HAO1: variants seen among roughly 807,000 people sequenced by gnomAD.
The protein encoded by HAO1 is 2-Hydroxyacid oxidase 1.
Under a neutral mutation model 39.7 loss-of-function variants are expected in HAO1, and 34 were observed. That is an observed-to-expected ratio of 0.86 (90% CI 0.65 to 1.14). The LOEUF is 1.14. Among genes scored for constraint, HAO1 ranks in the 50% most tolerant of loss-of-function variants. The pLI is 0.00. For synonymous variants in HAO1, 172 were observed against 173.2 expected (o/e 0.99, Z 0.05); for missense variants, 479 against 464.5 (o/e 1.03, Z -0.29).
At chr20:7,936,552 G>GTGTGTGTGTGTT (rs1488706496) in intron 1 of HAO1, among the ~76,000 whole-genome samples, 10 of 148,192 alleles carry the variant, frequency 6.7e-5, no homozygotes, top group African/African-American at 2.0e-4. Context: ...GTGTGTTCGC[G>GTGTGTGTGTGTT]CGCGCGCGCG....
At chr20:7,885,447 C>A in intron 7 of HAO1, 74 bp downstream of exon 7, 2 of 942,554 alleles carry the variant, frequency 2.1e-6, no homozygotes, top group Non-Finnish European at 3.5e-6. Flanking sequence ...CTTTCAAATT[C>A]ACTTCTCTCC....
chr20:7,934,807 G>C (rs1345789829), intron 1 of HAO1, among the ~76,000 whole-genome samples, 172 bp from the exon 2 acceptor site: 1 of 152,114 alleles, frequency 6.6e-6, no homozygotes, highest in Non-Finnish European at 1.5e-5. Context: ...TGTTTGGTTA[G>C]AAAGTTAACA....
chr20:7,909,360 C>CATATATATATAT lies in HAO1; in HGVS notation c.546-3043_546-3032dup, dbSNP rs749171756. 7.2e-4 allele frequency among the ~76,000 whole-genome samples: 79 copies of CATATATATATAT among 109,046 alleles called. 1 individual carries two copies. The highest frequency in any genetic ancestry group is 3.7e-3 in the South Asian group (10 of 2,686). The allele number at this position is 109,046 out of a possible 152,430, so 71.5% of individuals were successfully genotyped here. On this transcript the variant is annotated intron_variant, in intron 3 of 7. Transcript: ENST00000378789. Reference sequence around the variant, plus strand: ...AATGCTATTTTTATTCGGATTATGACATATATATATATATATATGTATATA... The same window carrying CATATATATATAT: ...AATGCTATTTTTATTCGGATTATGACATATATATATATATATATATATATATATATGTATATA...
chr20:7,894,670 C>T lies in HAO1; in HGVS notation c.813+463G>A, dbSNP rs905881124. 8.5e-5 allele frequency among the ~76,000 whole-genome samples: 13 copies of T among 152,230 alleles called. No individual in the cohort carries two copies. The South Asian group carries it at 1.7e-3, about 19-fold the overall frequency. The stretch of plus-strand genomic sequence containing the variant: ...CACCATTTCTCTGCAGCTTTTCAAC[C>T]GCCACCCCACAGGAAATTCTGATTA... On this transcript the variant is annotated intron_variant, in intron 5 of 7. Coordinates refer to ENST00000378789, the MANE Select transcript of HAO1 (RefSeq NM_017545.3).
chr20:7,915,964 T>C (rs1233012290), intron 2 of HAO1, among the ~76,000 whole-genome samples: 1 of 152,176 alleles, frequency 6.6e-6, no homozygotes, highest in Non-Finnish European at 1.5e-5. Context: ...AGTTTACCAT[T>C]TATGTTGTCT....
At position 7,911,808 on chromosome 20, in the gene HAO1, C is replaced by G. The variant is rs774828422; in HGVS notation, c.545+2356G>C. ...CCTGCCAAACTTCACTTATGAAAAG[C>G]CAGGCTTCACTTTCTATGAGTCAGG... On this transcript the variant is annotated intron_variant, in intron 3 of 7. Transcript: ENST00000378789. Among the ~76,000 whole-genome samples, 97 of 152,350 alleles carry G rather than the reference C, an allele frequency of 6.4e-4. 1 individual carries two copies. Among genetic ancestry groups the G allele is most frequent in the Admixed American group, 1.5e-3 (23 of 15,300 alleles).
intron 2 of HAO1, among the ~76,000 whole-genome samples, chr20:7,930,477 A>G (rs1043048308): frequency 3.9e-5 from 6 of 152,200 alleles, no homozygotes; most frequent in Admixed American, 2.6e-4. Flanking sequence ...TCAGTTAGCT[A>G]TTATCCTGGT....
At chr20:7,939,762 A>T (rs1462982104) in intron 1 of HAO1, among the ~76,000 whole-genome samples, 2 of 152,224 alleles carry the variant, frequency 1.3e-5, no homozygotes, top group African/African-American at 2.4e-5. Flanking sequence ...TGAAGGAGAG[A>T]TGAAACAGCA....
intron 3 of HAO1, among the ~76,000 whole-genome samples, chr20:7,909,908 C>CT (rs571460448): frequency 6.6e-6 from 1 of 152,126 alleles, no homozygotes; most frequent in South Asian, 2.1e-4. Context: ...GCCTTTAATT[C>CT]TGTGGTTCGG....
At chr20:7,893,100 A>C (rs1452244591) in intron 5 of HAO1, among the ~76,000 whole-genome samples, 1 of 152,138 alleles carries the variant, frequency 6.6e-6, no homozygotes, top group African/African-American at 2.4e-5. Flanking sequence ...CTTCTATTGC[A>C]CACCCAATGA....
rs753523662 is a variant in HAO1 at position 7,895,142 on chromosome 20, C to T, written c.804G>A (p.Val268=). Reference sequence around the variant, plus strand: ...GTCTGCCAAAACTCACAGTGGCTGGCACCCCATCGAGTTGTCGAGCCCCAT... The same window carrying T: ...GTCTGCCAAAACTCACAGTGGCTGGTACCCCATCGAGTTGTCGAGCCCCAT... The part of the protein sequence containing the change: ...SNHGARQLDG[V]PATIDVLPEI... Residue 268 remains valine, a synonymous_variant, in exon 5 of 8, where the codon GTG becomes GTA. Transcript: ENST00000378789. 3 of 1,606,204 alleles carry T rather than the reference C, an allele frequency of 1.9e-6. No homozygotes were observed. Among genetic ancestry groups the T allele is most frequent in the Non-Finnish European group, 2.6e-6 (3 of 1,173,100 alleles).
chr20:7,885,731 G>T lies in HAO1; in HGVS notation c.947C>A (p.Pro316Gln). ...LGAKAVFVGRPIVWGLAFQGE... is the reference protein window; with the variant it reads ...LGAKAVFVGRQIVWGLAFQGE... ...CTGGAAAGCTAAGCCCCAAACGATTGGTCTCCCCACAAACACAGCCTTGGC... is the reference window on the plus strand; with the variant it reads ...CTGGAAAGCTAAGCCCCAAACGATTTGTCTCCCCACAAACACAGCCTTGGC... The change falls in exon 6 of 8, where the codon CCA (proline) becomes CAA (glutamine). Residue 316 changes from proline (P) to glutamine (Q), a missense_variant. Physicochemically the swap from Pro to Gln is moderately conservative, Grantham distance 76. Transcript: ENST00000378789. 1 of 1,613,242 alleles carries T rather than the reference G, an allele frequency of 6.2e-7. No homozygotes were observed.
intron 7 of HAO1, among the ~76,000 whole-genome samples, chr20:7,885,248 T>A (rs2050145256): frequency 6.6e-6 from 1 of 152,150 alleles, no homozygotes; most frequent in Non-Finnish European, 1.5e-5. Context: ...TGTTCATGTG[T>A]TATGAGATGA....
At chr20:7,905,546 A>G (rs2050243807) in intron 4 of HAO1, among the ~76,000 whole-genome samples, 1 of 152,196 alleles carries the variant, frequency 6.6e-6, no homozygotes, top group Non-Finnish European at 1.5e-5. Context: ...CTCCAAAATT[A>G]TTATAGTCAT....
intron 5 of HAO1, among the ~76,000 whole-genome samples, chr20:7,894,098 C>T (rs1235373873): frequency 6.6e-6 from 1 of 152,150 alleles, no homozygotes; most frequent in East Asian, 1.9e-4. Flanking sequence ...CACAAGTGGA[C>T]AGCACATAAG....
At chr20:7,933,098 T>G (rs2050392923) in intron 2 of HAO1, among the ~76,000 whole-genome samples, 1 of 152,220 alleles carries the variant, frequency 6.6e-6, no homozygotes, top group Non-Finnish European at 1.5e-5. Flanking sequence ...ATTTTTCATA[T>G]GTTTATTGGT....
intron 4 of HAO1, among the ~76,000 whole-genome samples, chr20:7,905,568 T>A (rs2050243903): frequency 1.3e-5 from 2 of 152,198 alleles, no homozygotes; most frequent in Admixed American, 1.3e-4. Context: ...GGTATCTCCC[T>A]GTGGGATCTG....
intron 2 of HAO1, among the ~76,000 whole-genome samples, chr20:7,924,194 G>GTGTTTTTGTTGT (rs78746511): frequency 0.013 from 1,886 of 148,716 alleles, 25 homozygotes; most frequent in African/African-American, 0.023. Flanking sequence ...AGTTTGGGTT[G>GTGTTTTTGTTGT]TGTTGTTGTT....
At position 7,914,177 on chromosome 20, in the gene HAO1, G is replaced by C; in HGVS notation, c.532C>G (p.Pro178Ala). 1 of 1,613,934 alleles carries C rather than the reference G, an allele frequency of 6.2e-7. No individual in the cohort carries two copies. The highest frequency in any genetic ancestry group is 8.5e-7 in the Non-Finnish European group (1 of 1,179,856). The change falls in exon 3 of 8, where the codon CCG becomes GCG. Residue 178 changes from proline to alanine, a missense_variant. Transcript: ENST00000378789. ...GATCATGGTTACCTGAGTTGTGGCG[G>C]CAGTTTGAATCTGTTACGCACATCA... ...LDDVRNRFKL[P>A]PQLRMKNFET...
Sources: gnomAD v4.1 joint callset for allele counts (sites outside exome capture counted in the v4.1 genomes callset) on GRCh38, gnomAD v4.1.1 for gene constraint, MANE v1.5 for transcripts, NCBI Gene and HGNC (gene_info 2026-07-23, HGNC 2026-07-21) for gene names.